UVRAG: variants seen among roughly 807,000 people sequenced by gnomAD.
UVRAG encodes the protein UV radiation resistance-associated gene protein.
UVRAG carries 19 observed loss-of-function variants against 78.0 expected under a neutral mutation model. That is an observed-to-expected ratio of 0.24 (90% confidence interval 0.17 to 0.36). The LOEUF (loss-of-function observed/expected upper bound fraction) is 0.36, where lower values mean the gene tolerates loss of function less well. UVRAG is among the 10% of genes least tolerant of loss of function. UVRAG has a pLI of 1.00. For synonymous variants in UVRAG, 323 were observed against 324.6 expected (o/e 1.00, Z 0.05); for missense variants, 740 against 853.8 (o/e 0.87, Z 1.66).
chr11:75,894,894 A>C (rs1452161609), intron 5 of UVRAG, among the ~76,000 whole-genome samples: 1 of 152,138 alleles, frequency 6.6e-6, no homozygotes, highest in African/African-American at 2.4e-5. Flanking sequence ...AAGCTTTGTC[A>C]ACTTGGTAGG....
chr11:76,074,115 A>T (rs74960159), intron 13 of UVRAG, among the ~76,000 whole-genome samples: 2,083 of 152,356 alleles, frequency 0.014, 51 homozygotes, highest in African/African-American at 0.047. Flanking sequence ...ATTCACAAAC[A>T]TGCAAAAGTT....
intron 8 of UVRAG, among the ~76,000 whole-genome samples, chr11:76,001,243 G>A (rs536925743): frequency 1.3e-5 from 2 of 152,154 alleles, no homozygotes; most frequent in Non-Finnish European, 2.9e-5. Context: ...TAAACCACGG[G>A]TCAAAGAAGA....
At chr11:76,042,767 C>T (rs1950673451) in intron 12 of UVRAG, among the ~76,000 whole-genome samples, 1 of 152,184 alleles carries the variant, frequency 6.6e-6, no homozygotes. Context: ...TTGCCCTTAC[C>T]TATCTGTATG....
In UVRAG at chr11:76,065,788, G is replaced by A; in HGVS notation, c.1305G>A (p.Gln435=). Residue 435 remains glutamine (Q), a splice_region_variant and synonymous_variant, in exon 13 of 15, where the codon CAG becomes CAA. Coordinates refer to ENST00000356136, the MANE Select transcript of UVRAG (RefSeq NM_003369.4). The part of the protein sequence containing the change: ...GVYLLNKNIA[Q]LRYQHGLGTP... The stretch of plus-strand genomic sequence containing the variant: ...ATCTTCTGAACAAAAATATAGCACA[G>A]GTAAGTCTCTGTTCTTCACTTCTCT... 1 of 1,613,430 alleles carries A rather than the reference G, an allele frequency of 6.2e-7. No homozygotes were observed. Among genetic ancestry groups the A allele is most frequent in the Non-Finnish European group, 8.5e-7 (1 of 1,179,658 alleles).
chr11:75,882,522 A>C (rs2134894094), intron 4 of UVRAG, among the ~76,000 whole-genome samples: 1 of 152,236 alleles, frequency 6.6e-6, no homozygotes, highest in South Asian at 2.1e-4. Flanking sequence ...CAAAAAAAAA[A>C]AAAAATTTTT....
intron 6 of UVRAG, among the ~76,000 whole-genome samples, chr11:75,947,949 C>G (rs865901958): frequency 6.6e-6 from 1 of 152,124 alleles, no homozygotes; most frequent in African/African-American, 2.4e-5. Flanking sequence ...ATGTGCCAGG[C>G]ACTGTATTAG....
intron 13 of UVRAG, among the ~76,000 whole-genome samples, chr11:76,083,645 C>A (rs1951537374): frequency 6.6e-6 from 1 of 152,142 alleles, no homozygotes; most frequent in Admixed American, 6.5e-5. Context: ...TGAACTATGA[C>A]CACTAAGCTA....
At chr11:75,824,553 C>T (rs537852155) in intron 1 of UVRAG, among the ~76,000 whole-genome samples, 4 of 150,112 alleles carry the variant, frequency 2.7e-5, no homozygotes, top group African/African-American at 9.8e-5. Flanking sequence ...TGAAGTGAAA[C>T]GTATGGTAGA....
At chr11:76,132,244 G>A (rs1024024782) in intron 14 of UVRAG, among the ~76,000 whole-genome samples, 5 of 152,236 alleles carry the variant, frequency 3.3e-5, no homozygotes, top group Non-Finnish European at 5.9e-5. Context: ...TCACTGCCAT[G>A]AGGTCATAGA....
intron 6 of UVRAG, among the ~76,000 whole-genome samples, chr11:75,919,563 T>C (rs1947929848): frequency 6.6e-6 from 1 of 152,222 alleles, no homozygotes; most frequent in South Asian, 2.1e-4. Flanking sequence ...GTTTGGATTC[T>C]TAAACAGCCC....
chr11:76,105,687 G>T (rs1030264191), intron 13 of UVRAG, among the ~76,000 whole-genome samples: 1 of 152,180 alleles, frequency 6.6e-6, no homozygotes, highest in Admixed American at 6.6e-5. Context: ...GGTCAAGACT[G>T]CAGTGAGCTG....
intron 12 of UVRAG, among the ~76,000 whole-genome samples, chr11:76,054,152 C>A (rs1950933670): frequency 6.6e-6 from 1 of 152,022 alleles, no homozygotes; most frequent in Non-Finnish European, 1.5e-5. Context: ...TTTAATTTCA[C>A]CCGTAATTTT....
At chr11:75,998,087 G>T (rs886328435) in intron 8 of UVRAG, among the ~76,000 whole-genome samples, 1 of 152,180 alleles carries the variant, frequency 6.6e-6, no homozygotes, top group Non-Finnish European at 1.5e-5. Context: ...TAAAATCCCA[G>T]TGTGAAGCTC....
At chr11:75,883,542 G>C (rs2134900235) in intron 4 of UVRAG, among the ~76,000 whole-genome samples, 1 of 152,274 alleles carries the variant, frequency 6.6e-6, no homozygotes, top group Middle Eastern at 3.4e-3. Context: ...GGAACATGAG[G>C]CTAAGATGTT....
chr11:75,960,924 T>C (rs1948897016), intron 6 of UVRAG, among the ~76,000 whole-genome samples: 1 of 152,224 alleles, frequency 6.6e-6, no homozygotes, highest in Non-Finnish European at 1.5e-5. Context: ...GAGTATTTAA[T>C]TCCTCCTATT....
At chr11:75,909,383 C>G (rs2135018100) in intron 5 of UVRAG, among the ~76,000 whole-genome samples, 1 of 152,106 alleles carries the variant, frequency 6.6e-6, no homozygotes, top group African/African-American at 2.4e-5. Context: ...ATTCAGGTGG[C>G]TGAGGCAGGA....
At chr11:75,984,213 T>C (rs1949451439) in intron 8 of UVRAG, among the ~76,000 whole-genome samples, 1 of 152,216 alleles carries the variant, frequency 6.6e-6, no homozygotes, top group African/African-American at 2.4e-5. Context: ...GAGCTGCAGC[T>C]CTCAGTCAGC....
At chr11:75,826,419 T>C (rs1945513505) in intron 1 of UVRAG, among the ~76,000 whole-genome samples, 1 of 152,254 alleles carries the variant, frequency 6.6e-6, no homozygotes, top group Admixed American at 6.5e-5. Context: ...CCTCCTAAAG[T>C]GCTGGGATTA....
chr11:76,007,706 G>C lies in UVRAG; in HGVS notation c.999+85G>C. 3 of 1,026,726 alleles carry C rather than the reference G, an allele frequency of 2.9e-6. No individual in the cohort carries two copies. The South Asian group carries it at 4.0e-5, about 14-fold the overall frequency. 63.6% of individuals were successfully genotyped at this position (1,026,726 alleles called of 1,614,324 possible). A position where few individuals can be genotyped will look rare whatever the true frequency, so the allele number is the denominator to read the frequency against. ...TTTCCTCTCAATGAAAAAACTCATT[G>C]CTTTAGGCTTAATCATATGCTCTGT... On this transcript the variant is annotated intron_variant, in intron 10 of 14. Transcript: ENST00000356136.
Sources: gnomAD v4.1 joint callset for allele counts (sites outside exome capture counted in the v4.1 genomes callset) on GRCh38, gnomAD v4.1.1 for gene constraint, MANE v1.5 for transcripts, NCBI Gene and HGNC (gene_info 2026-07-23, HGNC 2026-07-21) for gene names.